The following KIAA1671 variants were observed in gnomAD, a reference collection of about 807,000 sequenced individuals.
The protein encoded by KIAA1671 is KIAA1671.
Under a neutral mutation model 131.2 loss-of-function variants are expected in KIAA1671, and 52 were observed. The observed-to-expected ratio is 0.40, with a 90% CI of 0.32 to 0.50. The LOEUF is 0.50. KIAA1671 is among the 20% of genes least tolerant of loss of function. The probability of loss-of-function intolerance (pLI) is 0.73; values close to 1 mark genes in which losing one functional copy is unlikely to be tolerated. For synonymous variants in KIAA1671, 1,003 were observed against 961.6 expected (o/e 1.04, Z -0.80); for missense variants, 2,360 against 2,364.2 (o/e 1.00, Z 0.04).
intron 4 of KIAA1671, among the ~76,000 whole-genome samples, chr22:25,036,226 A>G (rs1926585615): frequency 6.6e-6 from 1 of 151,974 alleles, no homozygotes; most frequent in African/African-American, 2.4e-5. Context: ...GATTACAGGC[A>G]TGCGCCACCA....
intron 1 of KIAA1671, chr22:25,012,835 T>C (rs1925108682): frequency 6.6e-6 from 1 of 152,204 alleles, no homozygotes. Flanking sequence ...GTCTAGCAAC[T>C]TCTGAAAGCT....
At chr22:25,073,355 A>AC (rs1928928414) in intron 6 of KIAA1671, among the ~76,000 whole-genome samples, 1 of 152,226 alleles carries the variant, frequency 6.6e-6, no homozygotes, top group Non-Finnish European at 1.5e-5. Context: ...GGCGTGAGCC[A>AC]CCATACCCAG....
intron 6 of KIAA1671, among the ~76,000 whole-genome samples, chr22:25,083,070 G>A (rs1929500027): frequency 6.6e-6 from 1 of 152,030 alleles, no homozygotes; most frequent in Non-Finnish European, 1.5e-5. Flanking sequence ...AGTTTTCCAG[G>A]GCTGCCATAT....
chr22:25,183,238 C>T (rs1934351873), intron 10 of KIAA1671, among the ~76,000 whole-genome samples: 1 of 152,218 alleles, frequency 6.6e-6, no homozygotes. Flanking sequence ...ACACAATCCC[C>T]ATGTGGGAGC....
intron 6 of KIAA1671, among the ~76,000 whole-genome samples, chr22:25,136,243 C>T (rs1346580134): frequency 6.6e-6 from 1 of 152,172 alleles, no homozygotes; most frequent in Non-Finnish European, 1.5e-5. Context: ...TAAACACCCC[C>T]TCCTCTCTCT....
chr22:25,140,222 G>A (rs1436705149), intron 6 of KIAA1671, among the ~76,000 whole-genome samples: 1 of 152,212 alleles, frequency 6.6e-6, no homozygotes, highest in African/African-American at 2.4e-5. Flanking sequence ...AGGACTGACG[G>A]CCCTGGCCAC....
intron 3 of KIAA1671, among the ~76,000 whole-genome samples, chr22:25,029,908 A>C (rs1926182995): frequency 6.6e-6 from 1 of 152,224 alleles, no homozygotes; most frequent in South Asian, 2.1e-4. Flanking sequence ...TCCATAGCTA[A>C]GCCTTTCTTC....
At position 25,038,446 on chromosome 22, in the gene KIAA1671, C is replaced by A. The variant is rs377701730; in HGVS notation, c.1630-314C>A. 9.7e-4 allele frequency among the ~76,000 whole-genome samples: 147 copies of A among 152,316 alleles called. 3 individuals carry two copies. In the East Asian group the frequency reaches 0.026, roughly 27 times the overall value. On this transcript the variant is annotated intron_variant, in intron 4 of 12. Coordinates refer to ENST00000358431, the MANE Select transcript of KIAA1671 (RefSeq NM_001145206.2). Reference sequence around the variant, plus strand: ...GCACCAACGGTGCTGTCTCAACTTTCTTGTTTGTGTAGGCTTGTGCATGTG... The same window carrying A: ...GCACCAACGGTGCTGTCTCAACTTTATTGTTTGTGTAGGCTTGTGCATGTG...
At chr22:25,184,817 A>T (rs1030607621) in intron 10 of KIAA1671, among the ~76,000 whole-genome samples, 160 bp from the exon 11 acceptor site, 5 of 152,170 alleles carry the variant, frequency 3.3e-5, no homozygotes, top group Admixed American at 3.3e-4. Flanking sequence ...CCAGACTGAC[A>T]TCTGACTTTT....
chr22:24,975,686 A>G (rs1922874422), intron 1 of KIAA1671, among the ~76,000 whole-genome samples: 1 of 152,322 alleles, frequency 6.6e-6, no homozygotes, highest in South Asian at 2.1e-4. Flanking sequence ...CCAGAATTTC[A>G]TAGGGTTCAA....
At position 25,041,455 on chromosome 22, in the gene KIAA1671, T is replaced by G; in HGVS notation, c.4325T>G (p.Leu1442Arg). The G allele has an allele frequency of 6.4e-7, 1 of 1,551,612 alleles. No homozygotes were observed. Among genetic ancestry groups the G allele is most frequent in the Non-Finnish European group, 8.7e-7 (1 of 1,146,978 alleles). The change falls in exon 5 of 13, where the codon CTT becomes CGT. Residue 1442 changes from leucine (L) to arginine (R), a missense_variant. Transcript: ENST00000358431. ...GAGCAGCCCAAAGGGAGGCCCAGCC[T>G]TACTGGAGAGAATTTGGAGGCCAAA... ...RREQPKGRPS[L>R]TGENLEAKMG...
chr22:25,114,250 A>G (rs1044027627), intron 6 of KIAA1671, among the ~76,000 whole-genome samples: 3 of 152,204 alleles, frequency 2.0e-5, no homozygotes, highest in African/African-American at 4.8e-5. Context: ...GACAGCTTGA[A>G]TCAGACTCCT....
rs56939988 is a variant in KIAA1671, at chr22:25,123,538, C to T, written c.4531-47282C>T. Among the ~76,000 whole-genome samples the T allele has an allele frequency of 1.3e-3, 193 of 152,264 alleles. 1 individual carries two copies. The highest frequency in any genetic ancestry group is 4.5e-3 in the African/African-American group (187 of 41,562). ...CTGCAGCTTCCCTCTTGATCACTCC[C>T]TTTCTTGGAGCTTTCACTCTGGGGA... On this transcript the variant is annotated intron_variant, in intron 6 of 12. Transcript: ENST00000358431.
chr22:25,141,904 C>T (rs572352399), intron 6 of KIAA1671, among the ~76,000 whole-genome samples: 6 of 152,298 alleles, frequency 3.9e-5, no homozygotes, highest in South Asian at 4.1e-4. Flanking sequence ...GTGTTAGCTC[C>T]GTGACCTTGG....
intron 1 of KIAA1671, among the ~76,000 whole-genome samples, chr22:24,987,387 G>A (rs1923610266): frequency 2.0e-5 from 3 of 151,918 alleles, no homozygotes; most frequent in Non-Finnish European, 2.9e-5. Context: ...TAGCCAGGAT[G>A]TTCTCGATCT....
intron 6 of KIAA1671, among the ~76,000 whole-genome samples, chr22:25,106,268 G>T (rs552871475): frequency 6.6e-6 from 1 of 152,312 alleles, no homozygotes; most frequent in East Asian, 1.9e-4. Flanking sequence ...CACTGAGTTG[G>T]TGGTGCCTTG....
At chr22:25,038,114 G>A (rs2145802925) in intron 4 of KIAA1671, among the ~76,000 whole-genome samples, 1 of 152,274 alleles carries the variant, frequency 6.6e-6, no homozygotes, top group African/African-American at 2.4e-5. Context: ...TAGGATTACA[G>A]GTTTGAGCCA....
chr22:25,047,815 A>G (rs1927332154), intron 5 of KIAA1671, among the ~76,000 whole-genome samples: 1 of 152,186 alleles, frequency 6.6e-6, no homozygotes, highest in East Asian at 1.9e-4. Flanking sequence ...AAAGTTTTTA[A>G]TTTTGAAGAA....
At chr22:25,107,178 C>T (rs753643187) in intron 6 of KIAA1671, among the ~76,000 whole-genome samples, 3 of 152,044 alleles carry the variant, frequency 2.0e-5, no homozygotes, top group Non-Finnish European at 2.9e-5. Flanking sequence ...GGGCAGATCA[C>T]GAGATCAGGA....
Sources: gnomAD v4.1 joint callset for allele counts (sites outside exome capture counted in the v4.1 genomes callset) on GRCh38, gnomAD v4.1.1 for gene constraint, MANE v1.5 for transcripts, NCBI Gene and HGNC (gene_info 2026-07-23, HGNC 2026-07-21) for gene names.